The following EVC2 variants were observed in gnomAD, a reference collection of about 807,000 sequenced individuals.
EVC2 encodes EvC ciliary complex subunit 2.
EVC2 carries 148 observed loss-of-function variants against 149.3 expected under a neutral mutation model. That is an observed-to-expected ratio of 0.99 (90% confidence interval 0.87 to 1.14). The LOEUF (loss-of-function observed/expected upper bound fraction) is 1.14, where lower values mean the gene tolerates loss of function less well. EVC2 is among the 50% of genes most tolerant of loss of function. EVC2 has a pLI of 0.00. For synonymous variants in EVC2, 776 were observed against 649.9 expected (o/e 1.19, Z -2.95); for missense variants, 1,854 against 1,627.3 (o/e 1.14, Z -2.40).
intron 21 of EVC2, among the ~76,000 whole-genome samples, chr4:5,556,852 G>A (rs551957448): frequency 1.3e-5 from 2 of 152,258 alleles, no homozygotes; most frequent in South Asian, 2.1e-4. Context: ...TGAATCCCTT[G>A]AAAGACAAAC....
At chr4:5,650,874 C>T (rs1183158438) in intron 9 of EVC2, among the ~76,000 whole-genome samples, 1 of 152,130 alleles carries the variant, frequency 6.6e-6, no homozygotes, top group South Asian at 2.1e-4. Flanking sequence ...AAACGGCACA[C>T]ACGAAGCACT....
chr4:5,662,652 T>C (rs1164864375), intron 9 of EVC2, among the ~76,000 whole-genome samples: 5 of 146,096 alleles, frequency 3.4e-5, no homozygotes, highest in Admixed American at 1.4e-4. Flanking sequence ...ATATTAATTA[T>C]ATTTATATTG....
At chr4:5,549,790 C>T (rs1577087903) in intron 21 of EVC2, among the ~76,000 whole-genome samples, 2 of 152,148 alleles carry the variant, frequency 1.3e-5, no homozygotes, top group African/African-American at 4.8e-5. Flanking sequence ...CTCTTCCTTC[C>T]CTTTATATGG....
chr4:5,624,232 A>G (rs942091587), intron 13 of EVC2, among the ~76,000 whole-genome samples: 9 of 152,236 alleles, frequency 5.9e-5, no homozygotes, highest in Non-Finnish European at 1.0e-4. Context: ...GGTGTTCTTT[A>G]TAACAGTGGG....
Position 5,628,564 on chromosome 4 carries a change from G to T in EVC2, c.1881C>A (p.His627Gln). Reference sequence around the variant, plus strand: ...GGGACAGTGTTGAGTGGTACCTCTCGTGCTTCTGAATGAGGTGAGTCAGCT... The same window carrying T: ...GGGACAGTGTTGAGTGGTACCTCTCTTGCTTCTGAATGAGGTGAGTCAGCT... ...AAQLTHLIQK[H>Q]ERAGYLDEDQ... is the part of the protein sequence containing the mutation. Residue 627 changes from histidine to glutamine, a missense_variant, in exon 12 of 22, where the codon CAC becomes CAA. By Grantham distance (24) the His-to-Gln change is conservative. Transcript: ENST00000344408. 6.2e-7 allele frequency: 1 copy of T among 1,613,990 alleles called. No homozygotes were observed. The highest frequency in any genetic ancestry group is 8.5e-7 in the Non-Finnish European group (1 of 1,180,004).
intron 9 of EVC2, among the ~76,000 whole-genome samples, chr4:5,659,390 G>C (rs983181201): frequency 2.7e-5 from 4 of 148,956 alleles, no homozygotes; most frequent in African/African-American, 7.5e-5. Flanking sequence ...AAAAGTAATT[G>C]GCAATGCTAT....
intron 12 of EVC2, among the ~76,000 whole-genome samples, chr4:5,626,843 T>A (rs183094119): frequency 1.1e-3 from 165 of 152,278 alleles, no homozygotes; most frequent in Non-Finnish European, 1.8e-3. Context: ...TCTCATCTCA[T>A]CTTTTCCTGC....
intron 19 of EVC2, among the ~76,000 whole-genome samples, chr4:5,571,415 T>A (rs1013683479): frequency 6.6e-6 from 1 of 150,662 alleles, no homozygotes; most frequent in Non-Finnish European, 1.5e-5. Flanking sequence ...GAAGAACTTA[T>A]CCATGTAACC....
chr4:5,632,187 C>T (rs374286246), intron 10 of EVC2, among the ~76,000 whole-genome samples, 155 bp from the exon 11 acceptor site: 315 of 152,306 alleles, frequency 2.1e-3, no homozygotes, highest in African/African-American at 6.8e-3. Context: ...TACACACATG[C>T]GCATGCAGTG....
In EVC2 at chr4:5,701,937, T is replaced by G. The variant is rs866437786; in HGVS notation, c.229-4290A>C. Among the ~76,000 whole-genome samples, 85 of 151,768 alleles carry G rather than the reference T, an allele frequency of 5.6e-4. 1 individual carries two copies. The highest frequency in any genetic ancestry group is 6.8e-3 in the Middle Eastern group (2 of 294). The stretch of plus-strand genomic sequence containing the variant: ...AACCTCTCAGTAGCCCACCATTACC[T>G]CCCCAGTCCAGCTCCCCTCCATAGC... On this transcript the variant is annotated intron_variant, in intron 1 of 21. Transcript: ENST00000344408.
chr4:5,562,052 C>A (rs1331441868), downstream of EVC2, among the ~76,000 whole-genome samples: 1 of 152,160 alleles, frequency 6.6e-6, no homozygotes, highest in African/African-American at 2.4e-5. This position sits in a 1 kb window ranked among gnomAD's most constrained non-coding sequence, Gnocchi z 4.3. Context: ...TTTACACAAG[C>A]TCTTGGTAAA....
intron 19 of EVC2, 75 bp from the exon 20 acceptor site, chr4:5,568,715 T>C: frequency 6.2e-6 from 9 of 1,441,106 alleles, no homozygotes; most frequent in Non-Finnish European, 8.6e-6. Flanking sequence ...TTTATCACAT[T>C]CTGAGGACAT....
intron 9 of EVC2, among the ~76,000 whole-genome samples, chr4:5,644,563 A>G (rs1274646893): frequency 6.6e-6 from 1 of 152,160 alleles, no homozygotes; most frequent in Non-Finnish European, 1.5e-5. Context: ...TCAGCCTCTC[A>G]AAGTGCTGGG....
chr4:5,698,302 G>A (rs190921385), intron 1 of EVC2, among the ~76,000 whole-genome samples: 97 of 152,166 alleles, frequency 6.4e-4, no homozygotes, highest in African/African-American at 2.2e-3. Context: ...AACAGCCTGC[G>A]AATTCCCAAG....
At chr4:5,683,102 G>A (rs563002944) in intron 6 of EVC2, among the ~76,000 whole-genome samples, 2 of 152,328 alleles carry the variant, frequency 1.3e-5, no homozygotes, top group South Asian at 2.1e-4. Flanking sequence ...AGGCTTCAGC[G>A]AAAATCAAAA....
At chr4:5,605,806 A>C (rs1714350418) in intron 16 of EVC2, among the ~76,000 whole-genome samples, 1 of 152,176 alleles carries the variant, frequency 6.6e-6, no homozygotes, top group Non-Finnish European at 1.5e-5. Context: ...CCGAGTGGAC[A>C]CTGCACTGGG....
At chr4:5,681,441 A>G (rs527319328) in intron 6 of EVC2, 128 bp from the exon 7 acceptor site, 3 of 921,500 alleles carry the variant, frequency 3.3e-6, no homozygotes, top group African/African-American at 3.3e-5. Flanking sequence ...CACAGGTCAG[A>G]GCTTGTGAAG....
At chr4:5,540,404 T>C (rs189355161), downstream of EVC2, among the ~76,000 whole-genome samples, 25 of 152,366 alleles carry the variant, frequency 1.6e-4, no homozygotes, top group Non-Finnish European at 3.1e-4. Flanking sequence ...TTATTTGTAA[T>C]GGCTGCAACC....
chr4:5,681,260 CGTTACG>C lies in EVC2; in HGVS notation c.864_869del (p.Asn288_Thr290delinsLys), dbSNP rs1720322242. ...GCTCAGGGCATGTCATGTCTCTTAC[CGTTACG>C]TTTTCTTCTGCTGTTATGGAAAAAA... On this transcript the variant is annotated inframe_deletion and splice_region_variant, in exon 7 of 22. Coordinates refer to ENST00000344408, the MANE Select transcript of EVC2 (RefSeq NM_147127.5). 3 of 1,614,232 alleles carry C rather than the reference CGTTACG, an allele frequency of 1.9e-6. No homozygotes were observed. The highest frequency in any genetic ancestry group is 2.5e-6 in the Non-Finnish European group (3 of 1,180,050).
Sources: gnomAD v4.1 joint callset for allele counts (sites outside exome capture counted in the v4.1 genomes callset) on GRCh38, gnomAD v4.1.1 for gene constraint, Gnocchi (gnomAD v3.1) non-coding constraint, MANE v1.5 for transcripts, NCBI Gene and HGNC (gene_info 2026-07-23, HGNC 2026-07-21) for gene names.